PPP1CC: variants seen among roughly 807,000 people sequenced by gnomAD.
PPP1CC encodes the protein protein phosphatase 1 catalytic subunit gamma.
In PPP1CC, 16 loss-of-function variants were observed where a neutral mutation model predicts 38.4. The observed-to-expected ratio is 0.42, with a 90% CI of 0.28 to 0.63. The LOEUF (loss-of-function observed/expected upper bound fraction) is 0.63. Among genes scored for constraint, PPP1CC ranks in the 30% least tolerant of loss-of-function variants. The probability of loss-of-function intolerance (pLI) is 0.25; values close to 1 mark genes in which losing one functional copy is unlikely to be tolerated. For synonymous variants in PPP1CC, 158 were observed against 136.0 expected (o/e 1.16, Z -1.13); for missense variants, 170 against 391.3 (o/e 0.43, Z 4.77).
At chr12:110,735,744 T>C (rs1388886954) in intron 1 of PPP1CC, among the ~76,000 whole-genome samples, 1 of 146,112 alleles carries the variant, frequency 6.8e-6, no homozygotes, top group Non-Finnish European at 1.5e-5. Flanking sequence ...ATTGTGCCAC[T>C]GCACTCCATC....
At chr12:110,714,610 C>T in the PPP1CC span, among the ~76,000 whole-genome samples, 76 of 151,528 alleles carry the variant, frequency 5.0e-4, no homozygotes, top group Middle Eastern at 3.4e-3. Flanking sequence ...AGTTTGAGAC[C>T]AGCCTGGCCA....
At chr12:110,741,309 A>C (rs1384628287) in intron 1 of PPP1CC, among the ~76,000 whole-genome samples, 1 of 152,190 alleles carries the variant, frequency 6.6e-6, no homozygotes, top group Non-Finnish European at 1.5e-5. Context: ...AAATTCTAAC[A>C]CCAGAGCTGT....
At chr12:110,731,560 TA>T (rs1036871384) in intron 2 of PPP1CC, among the ~76,000 whole-genome samples, 3 of 150,718 alleles carry the variant, frequency 2.0e-5, no homozygotes, top group Admixed American at 6.6e-5. Context: ...TTCAGCAAAA[TA>T]TTTTTTTTAA....
intron 1 of PPP1CC, among the ~76,000 whole-genome samples, chr12:110,739,948 T>C (rs1299703618): frequency 6.6e-6 from 1 of 152,224 alleles, no homozygotes; most frequent in Non-Finnish European, 1.5e-5. Flanking sequence ...CCTTAAGTTT[T>C]ATCATCAGCA....
intron 3 of PPP1CC, among the ~76,000 whole-genome samples, chr12:110,727,894 G>A (rs886740241): frequency 6.6e-6 from 1 of 152,154 alleles, no homozygotes; most frequent in Non-Finnish European, 1.5e-5. Flanking sequence ...TTGTGTTGAT[G>A]ACCAAACAGG....
intron 1 of PPP1CC, among the ~76,000 whole-genome samples, chr12:110,734,184 T>C (rs1593582679): frequency 6.6e-6 from 1 of 152,172 alleles, no homozygotes; most frequent in East Asian, 1.9e-4. Flanking sequence ...CTGGACCCAC[T>C]GGTAGAATGT....
chr12:110,738,572 T>C (rs2085457865), intron 1 of PPP1CC, among the ~76,000 whole-genome samples: 1 of 152,248 alleles, frequency 6.6e-6, no homozygotes, highest in Non-Finnish European at 1.5e-5. Flanking sequence ...GTAATAGGAC[T>C]GTGCTTTCAA....
intron 1 of PPP1CC, chr12:110,735,020 A>G (rs886592752): frequency 6.7e-6 from 1 of 149,356 alleles, no homozygotes; most frequent in Non-Finnish European, 1.5e-5. Context: ...AAAAGTTGCC[A>G]TATCAGCCAA....
At chr12:110,709,524 G>A in the PPP1CC span, among the ~76,000 whole-genome samples, 15 of 150,372 alleles carry the variant, frequency 1.0e-4, no homozygotes, top group African/African-American at 2.9e-4. Flanking sequence ...CATGGTGCCC[G>A]GCCAAAAAAC....
intron 4 of PPP1CC, among the ~76,000 whole-genome samples, chr12:110,723,928 T>C (rs1285867510): frequency 6.6e-6 from 1 of 152,126 alleles, no homozygotes; most frequent in Admixed American, 6.6e-5. Context: ...AATTACACAT[T>C]GTTCATTTTA....
intron 3 of PPP1CC, among the ~76,000 whole-genome samples, chr12:110,728,615 C>CA (rs149540624): frequency 2.6e-5 from 4 of 151,830 alleles, no homozygotes; most frequent in East Asian, 3.9e-4. Flanking sequence ...CAAAAACAAA[C>CA]AAAAAAAACC....
Position 110,742,647 on chromosome 12 carries a change from C to G in PPP1CC, c.55+6G>C, listed in dbSNP as rs534898518. 3.7e-5 allele frequency: 55 copies of G among 1,483,356 alleles called. No individual in the cohort carries two copies. Among genetic ancestry groups the G allele is most frequent in the African/African-American group, 4.4e-5 (3 of 68,960 alleles). 91.9% of individuals were successfully genotyped at this position (1,483,356 alleles called of 1,614,324 possible). A position where few individuals can be genotyped will look rare whatever the true frequency, so the allele number is the denominator to read the frequency against. ...TCCCCCTTCAGCCGCCCGCCGCCCC[C>G]CTTACCTTCCAGCAGCCGTTGGATA... On this transcript the variant is annotated splice_donor_region_variant and intron_variant, in intron 1 of 6. Coordinates refer to ENST00000335007, the MANE Select transcript of PPP1CC (RefSeq NM_002710.4).
chr12:110,741,056 T>C (rs2070011515), intron 1 of PPP1CC, among the ~76,000 whole-genome samples: 1 of 152,216 alleles, frequency 6.6e-6, no homozygotes, highest in African/African-American at 2.4e-5. Context: ...TTAACTAGTA[T>C]GAAAAAGTAT....
Position 110,722,453 on chromosome 12 carries a change from T to G in PPP1CC, c.747+19A>C. 1 of 1,610,526 alleles carries G rather than the reference T, an allele frequency of 6.2e-7. No individual in the cohort carries two copies. The highest frequency in any genetic ancestry group is 1.3e-5 in the African/African-American group (1 of 75,010). ...ACACACATGCTCTTAAGTGTACATG[T>G]AAAATTCAAAATCAATACCTGATGG... is the stretch of plus-strand genomic sequence containing the variant. On this transcript the variant is annotated intron_variant, in intron 5 of 6. Coordinates refer to ENST00000335007, the MANE Select transcript of PPP1CC (RefSeq NM_002710.4). The surrounding 1 kb of genome is among the most constrained non-coding windows in gnomAD (Gnocchi z 5.4).
intron 1 of PPP1CC, among the ~76,000 whole-genome samples, chr12:110,736,398 C>T (rs1047271441): frequency 2.0e-5 from 3 of 152,170 alleles, no homozygotes; most frequent in African/African-American, 7.2e-5. Flanking sequence ...AATCCCAGCA[C>T]TTTGGGAGGC....
At position 110,722,728 on chromosome 12, in the gene PPP1CC, A is replaced by G. The variant is rs1425563375; in HGVS notation, c.524-33T>C. The G allele has an allele frequency of 6.5e-7, 1 of 1,541,754 alleles. No individual in the cohort carries two copies. Among genetic ancestry groups the G allele is most frequent in the Non-Finnish European group, 8.8e-7 (1 of 1,137,290 alleles). On this transcript the variant is annotated intron_variant, in intron 4 of 6. Coordinates refer to ENST00000335007, the MANE Select transcript of PPP1CC (RefSeq NM_002710.4). This position sits in a 1 kb window ranked among gnomAD's most constrained non-coding sequence, Gnocchi z 5.4. ...ATGAGGAAAAAAAAAAAATGAAGAA[A>G]GCAGAACTTTTAAAAGGATACTACC... is the stretch of plus-strand genomic sequence containing the variant.
intron 6 of PPP1CC, chr12:110,721,861 G>A (rs1187363196): frequency 8.6e-6 from 4 of 463,140 alleles, no homozygotes; most frequent in Non-Finnish European, 1.5e-5. Context: ...TTGTCATTAA[G>A]GTTTTAGATT....
At chr12:110,730,962 A>ATATG (rs1463551139) in intron 2 of PPP1CC, among the ~76,000 whole-genome samples, 3 of 152,238 alleles carry the variant, frequency 2.0e-5, no homozygotes, top group Admixed American at 2.0e-4. Flanking sequence ...AATTTTAAGT[A>ATATG]TATGTGTATG....
In PPP1CC at chr12:110,720,526, G is replaced by A. The variant is rs1056153680; in HGVS notation, c.*550C>T. ...TACATCATACCAGTGATGCTGGCAA[G>A]GTTGAAAGTTACTCCTAATGTTGAT... On this transcript the variant is annotated 3_prime_UTR_variant, in exon 7 of 7. Coordinates refer to ENST00000335007, the MANE Select transcript of PPP1CC (RefSeq NM_002710.4). 7.7e-6 allele frequency: 2 copies of A among 258,780 alleles called. No individual in the cohort carries two copies. Among genetic ancestry groups the A allele is most frequent in the African/African-American group, 4.5e-5 (2 of 44,642 alleles). 16.0% of individuals were successfully genotyped at this position (258,780 alleles called of 1,614,324 possible).
Sources: allele counts gnomAD v4.1 joint callset (sites outside exome capture counted in the v4.1 genomes callset), GRCh38; gene constraint gnomAD v4.1.1; non-coding constraint Gnocchi (gnomAD v3.1); transcripts MANE v1.5; gene names NCBI Gene and HGNC (gene_info 2026-07-23, HGNC 2026-07-21).